The following PTPRG variants were observed in gnomAD, a reference collection of about 807,000 sequenced individuals.
PTPRG encodes protein tyrosine phosphatase receptor type G.
In PTPRG, 102 loss-of-function variants were observed where a neutral mutation model predicts 165.3. That is an observed-to-expected ratio of 0.62 (90% CI 0.53 to 0.73). The LOEUF (loss-of-function observed/expected upper bound fraction) is 0.73. Ranked by LOEUF, PTPRG falls within the 30% of genes least tolerant of loss-of-function variation. The pLI is 0.00. For synonymous variants in PTPRG, 675 were observed against 669.5 expected, an observed-to-expected ratio of 1.01 and a Z score of -0.13; for missense variants, 1,866 against 1,861.4, an observed-to-expected ratio of 1.00 and a Z score of -0.05.
chr3:61,564,339 C>A (rs886903516), intron 1 of PTPRG, among the ~76,000 whole-genome samples: 1 of 152,104 alleles, frequency 6.6e-6, no homozygotes, highest in African/African-American at 2.4e-5. Context: ...TCCAATTCCA[C>A]TTCTGTCCTT....
Position 62,229,498 on chromosome 3 carries a change from G to A in PTPRG, c.2289-1727G>A, listed in dbSNP as rs1414758862. ...AAGCGGAAAGAGATTCACTGCTAAA[G>A]GTTGCCAGTTAAACATGCTCCATGA... is the stretch of plus-strand genomic sequence containing the variant. On this transcript the variant is annotated intron_variant, in intron 13 of 29. Transcript: ENST00000474889. The surrounding 1 kb of genome is among the most constrained non-coding windows in gnomAD (Gnocchi z 4.6). Among the ~76,000 whole-genome samples the A allele has an allele frequency of 6.6e-6, 1 of 152,190 alleles. No individual in the cohort carries two copies. The highest frequency in any genetic ancestry group is 1.9e-4 in the East Asian group (1 of 5,196).
At chr3:61,904,331 G>C (rs1273724758) in intron 2 of PTPRG, among the ~76,000 whole-genome samples, 1 of 152,166 alleles carries the variant, frequency 6.6e-6, no homozygotes, top group East Asian at 1.9e-4. Context: ...TTTGTGCCAA[G>C]AGAAAGAAGT....
intron 15 of PTPRG, among the ~76,000 whole-genome samples, chr3:62,249,174 G>T (rs566276860): frequency 6.6e-6 from 1 of 152,256 alleles, no homozygotes; most frequent in African/African-American, 2.4e-5. Flanking sequence ...TCTATTTGTT[G>T]TGTCCTAACT....
At chr3:61,675,973 C>G (rs1451445629) in intron 1 of PTPRG, among the ~76,000 whole-genome samples, 1 of 152,132 alleles carries the variant, frequency 6.6e-6, no homozygotes, top group Non-Finnish European at 1.5e-5. Context: ...CGTCTGTTCT[C>G]AGTTTTTTCG....
At chr3:61,567,146 C>G (rs764015264) in intron 1 of PTPRG, among the ~76,000 whole-genome samples, 1 of 152,158 alleles carries the variant, frequency 6.6e-6, no homozygotes, top group Non-Finnish European at 1.5e-5. Context: ...CGGCTGTATC[C>G]TGTTTAGAGA....
At chr3:61,933,751 T>C (rs1316505458) in intron 2 of PTPRG, among the ~76,000 whole-genome samples, 1 of 152,240 alleles carries the variant, frequency 6.6e-6, no homozygotes, top group Non-Finnish European at 1.5e-5. Flanking sequence ...AGATACTGTA[T>C]CTCACCAGTA....
At chr3:61,819,499 G>A (rs112908563) in intron 2 of PTPRG, among the ~76,000 whole-genome samples, 3 of 152,254 alleles carry the variant, frequency 2.0e-5, no homozygotes, top group African/African-American at 7.2e-5. Context: ...ATAAATTTGT[G>A]TATCTAGGCA....
intron 5 of PTPRG, among the ~76,000 whole-genome samples, chr3:62,092,007 C>G (rs536219288): frequency 6.6e-6 from 1 of 150,728 alleles, no homozygotes; most frequent in Non-Finnish European, 1.5e-5. Context: ...AGCTGCTGTT[C>G]ACAGAACTGA....
intron 8 of PTPRG, among the ~76,000 whole-genome samples, chr3:62,170,974 C>G (rs548306200): frequency 2.6e-4 from 39 of 152,248 alleles, no homozygotes; most frequent in Non-Finnish European, 4.0e-4. Flanking sequence ...TAACCACTTC[C>G]AGAAATTCAC....
intron 2 of PTPRG, among the ~76,000 whole-genome samples, chr3:61,954,354 T>A (rs1471700468): frequency 6.6e-6 from 1 of 152,138 alleles, no homozygotes; most frequent in Non-Finnish European, 1.5e-5. Context: ...TAAATTTGTA[T>A]ATGTTTGTTT....
At chr3:61,779,065 C>G (rs1314318482) in intron 2 of PTPRG, among the ~76,000 whole-genome samples, 2 of 152,168 alleles carry the variant, frequency 1.3e-5, no homozygotes, top group Admixed American at 6.5e-5. Flanking sequence ...TACACACACA[C>G]AGACACACAC....
intron 4 of PTPRG, among the ~76,000 whole-genome samples, chr3:62,070,870 C>A (rs537166570): frequency 1.3e-5 from 2 of 151,726 alleles, no homozygotes; most frequent in Non-Finnish European, 2.9e-5. Context: ...TAGAAAAATA[C>A]GTTTCCCAGG....
chr3:61,948,375 A>G (rs1434004216), intron 2 of PTPRG, among the ~76,000 whole-genome samples: 1 of 151,974 alleles, frequency 6.6e-6, no homozygotes, highest in East Asian at 1.9e-4. Context: ...GCAGTCATTC[A>G]CTCCCTCATC....
intron 23 of PTPRG, among the ~76,000 whole-genome samples, chr3:62,274,497 C>T (rs1245742458): frequency 2.6e-5 from 4 of 152,156 alleles, no homozygotes; most frequent in Non-Finnish European, 5.9e-5. Flanking sequence ...CCTGTCTCTC[C>T]AGTTACCAAG....
intron 2 of PTPRG, among the ~76,000 whole-genome samples, chr3:61,879,787 T>G (rs2107466814): frequency 6.6e-6 from 1 of 152,382 alleles, no homozygotes; most frequent in South Asian, 2.1e-4. Flanking sequence ...GTGGACATTC[T>G]TGCTTTCCTA....
At chr3:62,187,723 C>G (rs999676224) in intron 8 of PTPRG, among the ~76,000 whole-genome samples, 1 of 152,090 alleles carries the variant, frequency 6.6e-6, no homozygotes, top group African/African-American at 2.4e-5. Flanking sequence ...CAAATTTGGC[C>G]CAGTATAGCT....
chr3:62,172,568 C>CT (rs35609029), intron 8 of PTPRG, among the ~76,000 whole-genome samples: 9,341 of 152,016 alleles, frequency 0.061, 910 homozygotes, highest in African/African-American at 0.21. Context: ...AATGTTCCTC[C>CT]TTTTTTTTCC....
intron 2 of PTPRG, among the ~76,000 whole-genome samples, chr3:61,792,986 C>T (rs1293988445): frequency 6.6e-6 from 1 of 152,110 alleles, no homozygotes; most frequent in African/African-American, 2.4e-5. Flanking sequence ...TTCGGCCTTC[C>T]AAAGTGCTGG....
intron 3 of PTPRG, among the ~76,000 whole-genome samples, chr3:61,991,471 G>T: frequency 6.6e-6 from 1 of 152,174 alleles, no homozygotes; most frequent in African/African-American, 2.4e-5. Flanking sequence ...CTCCCAAAGT[G>T]CTGGGATTAC....
Sources: allele counts gnomAD v4.1 joint callset (sites outside exome capture counted in the v4.1 genomes callset), GRCh38; gene constraint gnomAD v4.1.1; non-coding constraint Gnocchi (gnomAD v3.1); transcripts MANE v1.5; gene names NCBI Gene and HGNC (gene_info 2026-07-23, HGNC 2026-07-21).